The following MEGF6 variants were observed in gnomAD, a reference collection of about 807,000 sequenced individuals.
MEGF6 encodes the protein multiple epidermal growth factor-like domains protein 6.
In MEGF6, 184 loss-of-function variants were observed where a neutral mutation model predicts 207.1. The ratio of observed to expected loss-of-function variants is 0.89; its 90% CI spans 0.79 to 1.00. The LOEUF (loss-of-function observed/expected upper bound fraction) is 1.00, where lower values mean the gene tolerates loss of function less well. Among genes scored for constraint, MEGF6 ranks in the 50% least tolerant of loss-of-function variants. MEGF6 has a pLI of 0.00. For synonymous variants in MEGF6, 1,038 were observed against 910.0 expected, an observed-to-expected ratio of 1.14 and a Z score of -2.53; for missense variants, 2,282 against 2,202.9, an observed-to-expected ratio of 1.04 and a Z score of -0.72.
Position 3,496,778 on chromosome 1 carries a change from G to A in MEGF6, c.3619C>T (p.Pro1207Ser). 6.4e-7 allele frequency: 1 copy of A among 1,556,636 alleles called. No homozygotes were observed. The highest frequency in any genetic ancestry group is 8.7e-7 in the Non-Finnish European group (1 of 1,150,430). ...CAGCCTGGCCCATACCGCCCGGGCG[G>A]ACATCCTGCAGGGAGAGGGGCTAGC... ...YHGPSCQQRC[P>S]PGRYGPGCEQ... Residue 1207 changes from proline (P) to serine (S), a missense_variant, in exon 29 of 37, where the codon CCG becomes TCG. Pro to Ser is a moderately conservative substitution (Grantham distance 74). Transcript: ENST00000356575.
chr1:3,616,926 G>A, the MEGF6 span, among the ~76,000 whole-genome samples: 1 of 152,192 alleles, frequency 6.6e-6, no homozygotes, highest in Non-Finnish European at 1.5e-5. Context: ...ACAGCAGAGG[G>A]GCAACCTCCG....
intron 2 of MEGF6, among the ~76,000 whole-genome samples, chr1:3,598,917 G>A (rs767060406): frequency 2.0e-5 from 3 of 151,938 alleles, no homozygotes; most frequent in Non-Finnish European, 2.9e-5. Context: ...GCCCCCGGCC[G>A]GGTTTGTCAG....
In MEGF6 at chr1:3,611,192, A is replaced by T; in HGVS notation, c.77T>A (p.Val26Glu). Residue 26 changes from valine to glutamate, a missense_variant, in exon 1 of 37, where the codon GTG becomes GAG. By Grantham distance (121) the Val-to-Glu change is moderately radical. Coordinates refer to ENST00000356575, the MANE Select transcript of MEGF6 (RefSeq NM_001409.4). ...LALVLLLLPA[V>E]PVGASVPPRP... is the part of the protein sequence containing the mutation. ...CGGCGGAACGCTGGCGCCCACGGGCACGGCGGGGAGCAGCAGCAGCACCAA... is the reference window on the plus strand; with the variant it reads ...CGGCGGAACGCTGGCGCCCACGGGCTCGGCGGGGAGCAGCAGCAGCACCAA... 1 of 1,551,950 alleles carries T rather than the reference A, an allele frequency of 6.4e-7. No individual in the cohort carries two copies. Among genetic ancestry groups the T allele is most frequent in the Non-Finnish European group, 8.6e-7 (1 of 1,158,928 alleles).
intron 2 of MEGF6, among the ~76,000 whole-genome samples, chr1:3,601,503 C>T (rs1277710528): frequency 6.6e-6 from 1 of 152,172 alleles, no homozygotes; most frequent in Non-Finnish European, 1.5e-5. Context: ...GCTCAGGATC[C>T]CTGAACCTCA....
Position 3,494,064 on chromosome 1 carries a change from G to A in MEGF6, c.4190C>T (p.Ala1397Val), listed in dbSNP as rs749304987. The A allele has an allele frequency of 2.1e-5, 34 of 1,605,048 alleles. No individual in the cohort carries two copies. Among genetic ancestry groups the A allele is most frequent in the Non-Finnish European group, 2.7e-5 (32 of 1,175,866 alleles). The change falls in exon 33 of 37, where the codon GCC becomes GTC. Residue 1397 changes from alanine (A) to valine (V), a missense_variant. Physicochemically the swap from Ala to Val is moderately conservative, Grantham distance 64 (BLOSUM62 0). Coordinates refer to ENST00000356575, the MANE Select transcript of MEGF6 (RefSeq NM_001409.4). ...CQGLCWCQHG[A>V]PCDPISGRCL... Reference sequence around the variant, plus strand: ...TCGGCCACTGATGGGGTCGCAGGGGGCTCCATGTTGACACCAGCACAACCC... The same window carrying A: ...TCGGCCACTGATGGGGTCGCAGGGGACTCCATGTTGACACCAGCACAACCC...
intron 29 of MEGF6, among the ~76,000 whole-genome samples, chr1:3,496,448 C>G (rs543315973): frequency 6.6e-6 from 1 of 152,384 alleles, no homozygotes; most frequent in East Asian, 1.9e-4. Flanking sequence ...CTAGCAGAAG[C>G]CTGTGGGACC....
At position 3,494,431 on chromosome 1, in the gene MEGF6, C is replaced by A; in HGVS notation, c.4069G>T (p.Glu1357Ter). The A allele has an allele frequency of 1.9e-6, 3 of 1,556,732 alleles. No homozygotes were observed. The highest frequency in any genetic ancestry group is 2.6e-6 in the Non-Finnish European group (3 of 1,156,280). Reference sequence around the variant, plus strand: ...CAGCGGCAGGTGCCCGTGGCAGGCTCACACGTGCTGTTGTTGTGGCAGGAG... The same window carrying A: ...CAGCGGCAGGTGCCCGTGGCAGGCTAACACGTGCTGTTGTTGTGGCAGGAG... ...ECSCHNNSTC[E>*]PATGTCRCGP... Residue 1357 changes from glutamate to a stop codon, truncating the protein, a stop_gained, in exon 32 of 37, where the codon GAG becomes TAG. Coordinates refer to ENST00000356575, the MANE Select transcript of MEGF6 (RefSeq NM_001409.4). LOFTEE classifies it high-confidence loss of function.
At chr1:3,566,365 G>T (rs1643343482) in intron 4 of MEGF6, among the ~76,000 whole-genome samples, 2 of 152,236 alleles carry the variant, frequency 1.3e-5, no homozygotes, top group Non-Finnish European at 2.9e-5. Context: ...GGCAAAATCA[G>T]CAGAGGTCCT....
intron 5 of MEGF6, among the ~76,000 whole-genome samples, chr1:3,517,737 C>T (rs1309769941): frequency 6.6e-6 from 1 of 152,218 alleles, no homozygotes; most frequent in Non-Finnish European, 1.5e-5. Context: ...AGCTCAGACC[C>T]GGCAAAGCTG....
chr1:3,586,213 A>G (rs994506652), intron 3 of MEGF6, among the ~76,000 whole-genome samples: 4 of 151,622 alleles, frequency 2.6e-5, no homozygotes, highest in Non-Finnish European at 4.4e-5. Flanking sequence ...GTGTGAGGAC[A>G]CATGTCCTGT....
intron 4 of MEGF6, among the ~76,000 whole-genome samples, chr1:3,527,980 C>T (rs1421738092): frequency 2.0e-5 from 3 of 152,266 alleles, no homozygotes; most frequent in African/African-American, 4.8e-5. Context: ...ACCCCAGCAG[C>T]ACCATCTGGC....
chr1:3,519,448 C>A (rs1370657599), intron 5 of MEGF6, among the ~76,000 whole-genome samples: 1 of 152,230 alleles, frequency 6.6e-6, no homozygotes, highest in Non-Finnish European at 1.5e-5. Context: ...GCACCCAATG[C>A]CCGCAGTGCT....
At chr1:3,533,259 C>T (rs1642230473) in intron 4 of MEGF6, among the ~76,000 whole-genome samples, 1 of 152,164 alleles carries the variant, frequency 6.6e-6, no homozygotes, top group African/African-American at 2.4e-5. Context: ...CAGAGGCCAG[C>T]CCGCCCCCTT....
At chr1:3,492,486 G>A (rs1056940016) in intron 35 of MEGF6, among the ~76,000 whole-genome samples, 153 bp downstream of exon 35, 7 of 152,168 alleles carry the variant, frequency 4.6e-5, no homozygotes, top group South Asian at 2.1e-4. Flanking sequence ...TCTGGGTACC[G>A]GGTGGGGACA....
At chr1:3,590,659 G>A (rs1643961702) in intron 3 of MEGF6, among the ~76,000 whole-genome samples, 1 of 152,198 alleles carries the variant, frequency 6.6e-6, no homozygotes, top group Non-Finnish European at 1.5e-5. Flanking sequence ...CAGGTCACAC[G>A]GAAGCAAGGA....
chr1:3,509,991 A>T lies in MEGF6; in HGVS notation c.1236T>A (p.Asp412Glu), dbSNP rs752026034. 11 of 1,583,694 alleles carry T rather than the reference A, an allele frequency of 6.9e-6. No individual in the cohort carries two copies. In the African/African-American group the frequency reaches 1.5e-4, roughly 21 times the overall value. The part of the protein sequence containing the change: ...RLSADGCGCE[D>E]VDECASSRGG... ...CACGGCTGGAGGCGCACTCATCCAC[A>T]TCTGCGGGCGACCCGGGACCACTGA... Residue 412 changes from aspartate to glutamate, a missense_variant and splice_region_variant, in exon 11 of 37, where the codon GAT (aspartate) becomes GAA (glutamate). Asp to Glu is a conservative substitution (Grantham distance 45). Transcript: ENST00000356575.
chr1:3,572,328 GGGTGTGCTGGGTTCTCTCA>G, intron 4 of MEGF6, among the ~76,000 whole-genome samples: 1 of 127,872 alleles, frequency 7.8e-6, no homozygotes, highest in Admixed American at 7.6e-5. Context: ...GGGTCCTCCT[GGGTGTGCTGGGTTCTCTCA>G]GGTGTGCTGG....
intron 4 of MEGF6, among the ~76,000 whole-genome samples, chr1:3,547,591 C>T (rs575175695): frequency 3.3e-5 from 5 of 152,292 alleles, no homozygotes; most frequent in South Asian, 4.1e-4. Context: ...CTCCCCCTCC[C>T]GCCTTCGGAC....
At position 3,511,827 on chromosome 1, in the gene MEGF6, C is replaced by T. The variant is rs1557736163; in HGVS notation, c.977-140G>A. 5 of 1,448,356 alleles carry T rather than the reference C, an allele frequency of 3.5e-6. No homozygotes were observed. The South Asian group carries it at 5.3e-5, about 15-fold the overall frequency. The allele number at this position is 1,448,356 out of a possible 1,614,324, so 89.7% of individuals were successfully genotyped here. A position where few individuals can be genotyped will look rare whatever the true frequency, so the allele number is the denominator to read the frequency against. On this transcript the variant is annotated intron_variant, in intron 8 of 36. Transcript: ENST00000356575. ...GAAGCAGCAACATGGAGCTCCCAGG[C>T]CTTGTTGGGTCTGGGACCCCCTGCT...
Sources: gnomAD v4.1 joint callset for allele counts (sites outside exome capture counted in the v4.1 genomes callset) on GRCh38, gnomAD v4.1.1 for gene constraint, MANE v1.5 for transcripts, NCBI Gene and HGNC (gene_info 2026-07-23, HGNC 2026-07-21) for gene names.